Variants in GLYAT observed in about 807,000 individuals in gnomAD.
The protein encoded by GLYAT is glycine-N-acyltransferase, also known as glycine N-acyltransferase.
In GLYAT, 25 loss-of-function variants were observed where a neutral mutation model predicts 22.8. The observed-to-expected ratio is 1.09, with a 90% CI of 0.80 to 1.53. GLYAT has a LOEUF of 1.53. Ranked by LOEUF, GLYAT falls within the 40% of genes most tolerant of loss-of-function variation. The pLI is 0.00. For synonymous variants in GLYAT, 140 were observed against 122.7 expected, an observed-to-expected ratio of 1.14 and a Z score of -0.93; for missense variants, 411 against 353.9, an observed-to-expected ratio of 1.16 and a Z score of -1.29.
At position 58,712,887 on chromosome 11, in the gene GLYAT, C is replaced by T. The variant is rs1192624162; in HGVS notation, c.190-1G>A. 6 of 1,584,560 alleles carry T rather than the reference C, an allele frequency of 3.8e-6. No individual in the cohort carries two copies. The highest frequency in any genetic ancestry group is 5.2e-6 in the Non-Finnish European group (6 of 1,156,150). On this transcript the variant is annotated splice_acceptor_variant, in intron 3 of 5. Transcript: ENST00000344743. LOFTEE classifies it high-confidence loss of function. ...AGTGATCAAGGTCATCTGTCATATC[C>T]TGTTATCATTAGGAAAAAGGAAATA...
intron 1 of GLYAT, 137 bp from the exon 2 acceptor site, chr11:58,724,648 A>T: frequency 2.4e-6 from 1 of 418,736 alleles, no homozygotes; most frequent in Non-Finnish European, 4.2e-6. Context: ...CAAATCCAAG[A>T]GAAAATGAGA....
At chr11:58,712,951 T>C (rs973300461) in intron 3 of GLYAT, 65 bp from the exon 4 acceptor site, 1 of 1,032,138 alleles carries the variant, frequency 9.7e-7, no homozygotes, top group Non-Finnish European at 1.4e-6. Context: ...TATAATTTTA[T>C]ACTGTGATAT....
intron 3 of GLYAT, among the ~76,000 whole-genome samples, chr11:58,713,693 G>T (rs1431353105): frequency 9.2e-5 from 14 of 152,012 alleles, no homozygotes; most frequent in Non-Finnish European, 2.1e-4. Context: ...GAAGAAGGTG[G>T]ATGAAAATAT....
intron 4 of GLYAT, 103 bp downstream of exon 4, chr11:58,712,654 ACAG>A: frequency 1.0e-6 from 1 of 955,632 alleles, no homozygotes; most frequent in African/African-American, 1.6e-5. Context: ...AACAAAATTG[ACAG>A]CAGGCTGGGA....
At chr11:58,715,001 A>G (rs1489774012) in intron 3 of GLYAT, among the ~76,000 whole-genome samples, 1 of 151,968 alleles carries the variant, frequency 6.6e-6, no homozygotes, top group Non-Finnish European at 1.5e-5. Context: ...TATTTTTCCT[A>G]CAAAATCCAG....
chr11:58,728,528 G>A (rs1477065656), intron 1 of GLYAT: 2 of 151,990 alleles, frequency 1.3e-5, no homozygotes, highest in African/African-American at 4.8e-5. Flanking sequence ...TAGGATAACA[G>A]AACTTGAATT....
chr11:58,716,632 C>T (rs187501316), intron 2 of GLYAT, among the ~76,000 whole-genome samples: 1 of 152,140 alleles, frequency 6.6e-6, no homozygotes, highest in East Asian at 1.9e-4. Context: ...ATGTGAAACT[C>T]TTATTTTTTC....
chr11:58,713,511 C>A (rs1296363447), intron 3 of GLYAT, among the ~76,000 whole-genome samples: 2 of 152,050 alleles, frequency 1.3e-5, no homozygotes, highest in South Asian at 2.1e-4. Flanking sequence ...CAAACTATGA[C>A]CATGGCAGTA....
chr11:58,728,353 G>C (rs191968433), intron 1 of GLYAT, among the ~76,000 whole-genome samples: 6 of 151,994 alleles, frequency 3.9e-5, no homozygotes. Flanking sequence ...GAGCCACTGC[G>C]CCTGGCTAAA....
intron 2 of GLYAT, 44 bp from the exon 3 acceptor site, chr11:58,715,467 A>C (rs1856669149): frequency 3.4e-6 from 3 of 879,538 alleles, no homozygotes; most frequent in Non-Finnish European, 5.7e-6. Flanking sequence ...TATTTGAAAA[A>C]AACAGTAAAG....
Position 58,710,484 on chromosome 11 carries a change from C to G in GLYAT, c.488+106G>C, listed in dbSNP as rs1027684509. On this transcript the variant is annotated intron_variant, in intron 5 of 5. Transcript: ENST00000344743. ...TTTTTTAAAAATGTAATTCTGATTT[C>G]TTTGTACAACATTGATTGTAGGAAA... is the stretch of plus-strand genomic sequence containing the variant. The G allele has an allele frequency of 4.4e-6, 4 of 910,224 alleles. No individual in the cohort carries two copies. The African/African-American group carries it at 4.9e-5, about 11-fold the overall frequency. 56.4% of individuals were successfully genotyped at this position (910,224 alleles called of 1,614,324 possible).
At chr11:58,721,400 C>T (rs982687386) in intron 2 of GLYAT, among the ~76,000 whole-genome samples, 2 of 151,404 alleles carry the variant, frequency 1.3e-5, no homozygotes, top group African/African-American at 2.4e-5. Flanking sequence ...AACCACGTAG[C>T]CTTTGTTGCA....
chr11:58,728,034 T>A (rs1856827371), intron 1 of GLYAT, among the ~76,000 whole-genome samples: 3 of 151,154 alleles, frequency 2.0e-5, no homozygotes. Context: ...CTTTAGTTCT[T>A]TTCCTTCTTG....
rs187428974 is a variant in GLYAT, at chr11:58,725,029, T to C, written c.-15-518A>G. ...TATTTGATTACTACCACCACTCCTCTTTTCCTCCTCTTCCTTTTCTTCTTT... is the reference window on the plus strand; with the variant it reads ...TATTTGATTACTACCACCACTCCTCCTTTCCTCCTCTTCCTTTTCTTCTTT... On this transcript the variant is annotated intron_variant, in intron 1 of 5. Transcript: ENST00000344743. Among the ~76,000 whole-genome samples, 57 of 152,232 alleles carry C rather than the reference T, an allele frequency of 3.7e-4. 1 individual carries two copies. In the East Asian group the frequency reaches 0.011, roughly 29 times the overall value.
chr11:58,717,565 A>C (rs1344970740), intron 2 of GLYAT, among the ~76,000 whole-genome samples: 1 of 152,128 alleles, frequency 6.6e-6, no homozygotes, highest in Admixed American at 6.6e-5. Flanking sequence ...AAAAAAAAGA[A>C]GAAAAATAAA....
intron 1 of GLYAT, among the ~76,000 whole-genome samples, chr11:58,727,462 G>A (rs983062803): frequency 1.3e-5 from 2 of 152,152 alleles, no homozygotes; most frequent in East Asian, 1.9e-4. Context: ...AGCTTCTTGT[G>A]AAAGAGCCAT....
chr11:58,710,413 G>A, intron 5 of GLYAT, 177 bp downstream of exon 5: 1 of 718,238 alleles, frequency 1.4e-6, no homozygotes, highest in South Asian at 1.9e-5. Context: ...TGAGAAGGGA[G>A]ATGGTGGAGT....
rs985989588 is a variant in GLYAT, at chr11:58,708,892, T to C, written c.*874A>G. The C allele has an allele frequency of 6.6e-6, 1 of 152,226 alleles. No homozygotes were observed. The highest frequency in any genetic ancestry group is 1.5e-5 in the Non-Finnish European group (1 of 68,036). 9.4% of individuals were successfully genotyped at this position (152,226 alleles called of 1,614,324 possible). On this transcript the variant is annotated 3_prime_UTR_variant, in exon 6 of 6. Coordinates refer to ENST00000344743, the MANE Select transcript of GLYAT (RefSeq NM_201648.3). Reference sequence around the variant, plus strand: ...ACTGAGATTAGTAATGTGCTGAGGCTAATTGGACAAGCAGGTGTTCATGCT... The same window carrying C: ...ACTGAGATTAGTAATGTGCTGAGGCCAATTGGACAAGCAGGTGTTCATGCT...
chr11:58,710,957 A>G (rs1856608688), intron 4 of GLYAT, among the ~76,000 whole-genome samples, 196 bp from the exon 5 acceptor site: 1 of 152,192 alleles, frequency 6.6e-6, no homozygotes, highest in Non-Finnish European at 1.5e-5. Flanking sequence ...TCCCCATCTA[A>G]TTAAGAATCA....
Sources: gnomAD v4.1 joint callset for allele counts (sites outside exome capture counted in the v4.1 genomes callset) on GRCh38, gnomAD v4.1.1 for gene constraint, MANE v1.5 for transcripts, NCBI Gene and HGNC (gene_info 2026-07-23, HGNC 2026-07-21) for gene names.